Variants in TSPAN15 observed in about 807,000 individuals in gnomAD.
The protein encoded by TSPAN15 is tetraspanin-15.
In TSPAN15, 20 loss-of-function variants were observed where a neutral mutation model predicts 34.5. The observed-to-expected ratio is 0.58, with a 90% CI of 0.41 to 0.84. The LOEUF is 0.84. Among genes scored for constraint, TSPAN15 ranks in the 40% least tolerant of loss-of-function variants. The probability of loss-of-function intolerance (pLI) is 0.00; values close to 1 mark genes in which losing one functional copy is unlikely to be tolerated. For synonymous variants in TSPAN15, 155 were observed against 153.9 expected (o/e 1.01, Z -0.05); for missense variants, 313 against 386.1 (o/e 0.81, Z 1.59).
the TSPAN15 span, among the ~76,000 whole-genome samples, chr10:69,535,963 A>G: frequency 6.6e-6 from 1 of 152,246 alleles, no homozygotes; most frequent in Non-Finnish European, 1.5e-5. Context: ...AACCAGACCC[A>G]GAGGAGTTCA....
chr10:69,539,144 A>C, the TSPAN15 span, among the ~76,000 whole-genome samples: 1 of 152,100 alleles, frequency 6.6e-6, no homozygotes, highest in East Asian at 1.9e-4. Context: ...GGCCTCTGAG[A>C]TGGAATGGAA....
At chr10:69,517,941 G>A in the TSPAN15 span, among the ~76,000 whole-genome samples, 2 of 152,216 alleles carry the variant, frequency 1.3e-5, no homozygotes, top group African/African-American at 2.4e-5. Flanking sequence ...TGCGTCTTAC[G>A]ATCACTGTAG....
the TSPAN15 span, among the ~76,000 whole-genome samples, chr10:69,516,951 A>C: frequency 2.6e-5 from 4 of 152,168 alleles, no homozygotes; most frequent in African/African-American, 7.2e-5. Flanking sequence ...CTGGGCCCCC[A>C]GGACTCAGTG....
the TSPAN15 span, among the ~76,000 whole-genome samples, chr10:69,520,993 CT>C: frequency 0.16 from 23,497 of 147,530 alleles, 2,147 homozygotes; most frequent in East Asian, 0.28. Flanking sequence ...TGTTATTTTC[CT>C]TTTTTTTTTT....
chr10:69,489,568 T>C (rs1841925916), intron 3 of TSPAN15, among the ~76,000 whole-genome samples: 1 of 152,226 alleles, frequency 6.6e-6, no homozygotes, highest in South Asian at 2.1e-4. Context: ...TTGGGGTCCC[T>C]GACTTCCCGC....
intron 1 of TSPAN15, among the ~76,000 whole-genome samples, chr10:69,459,173 GT>G (rs1170772468): frequency 9.3e-5 from 14 of 149,778 alleles, no homozygotes; most frequent in Admixed American, 9.3e-4. Context: ...ATGTGAATGG[GT>G]TTGAATTGAC....
intron 4 of TSPAN15, among the ~76,000 whole-genome samples, chr10:69,496,256 A>T (rs1348266435): frequency 6.6e-6 from 1 of 151,486 alleles, no homozygotes; most frequent in African/African-American, 2.4e-5. Context: ...CTTGAATGTG[A>T]TGATGATCCT....
At chr10:69,504,363 A>G (rs1842279838) in intron 5 of TSPAN15, 75 bp from the exon 6 acceptor site, 1 of 1,450,006 alleles carries the variant, frequency 6.9e-7, no homozygotes, top group Non-Finnish European at 9.7e-7. Context: ...TTTCATCTGT[A>G]AAATGGGTAG....
chr10:69,460,674 A>T (rs1256553576), intron 1 of TSPAN15, among the ~76,000 whole-genome samples: 1 of 151,974 alleles, frequency 6.6e-6, no homozygotes, highest in African/African-American at 2.4e-5. Context: ...ATCTCTTTGG[A>T]TTCTCAGAGT....
chr10:69,467,306 G>A (rs560813245), intron 1 of TSPAN15, among the ~76,000 whole-genome samples: 1 of 152,252 alleles, frequency 6.6e-6, no homozygotes, highest in East Asian at 1.9e-4. Flanking sequence ...GAAACATCTG[G>A]TTTGGGCATT....
the TSPAN15 span, among the ~76,000 whole-genome samples, chr10:69,528,711 T>C: frequency 1.3e-5 from 2 of 148,416 alleles, 1 homozygote; most frequent in Non-Finnish European, 3.0e-5. Flanking sequence ...GGATAGCTGC[T>C]TTCCGCAGCC....
intron 3 of TSPAN15, among the ~76,000 whole-genome samples, chr10:69,488,173 T>A (rs1008169059): frequency 9.9e-5 from 15 of 151,730 alleles, no homozygotes; most frequent in African/African-American, 3.4e-4. Context: ...TGGCTCTCAA[T>A]TTTTTTTTAT....
intron 5 of TSPAN15, among the ~76,000 whole-genome samples, chr10:69,503,716 G>A (rs909311766): frequency 3.3e-5 from 5 of 152,282 alleles, no homozygotes; most frequent in Admixed American, 6.5e-5. Context: ...GTCATGGGCT[G>A]GACCAGGAAG....
At chr10:69,533,874 T>A in the TSPAN15 span, among the ~76,000 whole-genome samples, 1 of 152,176 alleles carries the variant, frequency 6.6e-6, no homozygotes, top group African/African-American at 2.4e-5. Context: ...ATTGAATTAG[T>A]GGACACCCAG....
chr10:69,527,456 G>A, the TSPAN15 span, among the ~76,000 whole-genome samples: 9 of 147,160 alleles, frequency 6.1e-5, 2 homozygotes, highest in South Asian at 8.6e-4. Context: ...TTAGCTGGGC[G>A]TGGTGGTGCA....
chr10:69,545,356 T>C, the TSPAN15 span, among the ~76,000 whole-genome samples: 5 of 152,162 alleles, frequency 3.3e-5, no homozygotes, highest in Admixed American at 6.5e-5. Flanking sequence ...GCCATCTCTG[T>C]TCTCAGAATA....
At chr10:69,453,194 A>G (rs1841012628) in intron 1 of TSPAN15, among the ~76,000 whole-genome samples, 1 of 152,030 alleles carries the variant, frequency 6.6e-6, no homozygotes, top group Admixed American at 6.6e-5. Context: ...CTCTAGGGAG[A>G]CAGAAGGTCA....
At chr10:69,530,564 G>A in the TSPAN15 span, among the ~76,000 whole-genome samples, 3 of 146,312 alleles carry the variant, frequency 2.1e-5, 1 homozygote, top group African/African-American at 5.0e-5. Context: ...CCAGCACTTC[G>A]GGAGTTGGAG....
intron 5 of TSPAN15, among the ~76,000 whole-genome samples, chr10:69,499,765 G>A (rs55778282): frequency 0.036 from 5,417 of 152,310 alleles, 168 homozygotes; most frequent in Non-Finnish European, 0.051. Flanking sequence ...AGAAAGGCGG[G>A]ATCTGGGTGA....
Sources: allele counts gnomAD v4.1 joint callset (sites outside exome capture counted in the v4.1 genomes callset), GRCh38; gene constraint gnomAD v4.1.1; transcripts MANE v1.5; gene names NCBI Gene and HGNC (gene_info 2026-07-23, HGNC 2026-07-21).